Variants in WWOX observed in about 807,000 individuals in gnomAD.
WWOX encodes WW domain-containing oxidoreductase.
Under a neutral mutation model 46.2 loss-of-function variants are expected in WWOX, and 69 were observed. The observed-to-expected ratio is 1.49, with a 90% CI of 1.23 to 1.82. WWOX has a LOEUF of 1.82. Ranked by LOEUF, WWOX falls within the 40% of genes most tolerant of loss-of-function variation. The probability of loss-of-function intolerance (pLI) is 0.00; values close to 1 mark genes in which losing one functional copy is unlikely to be tolerated. For missense variants in WWOX, 919 were observed against 542.6 expected (o/e 1.69, Z -6.89); for synonymous variants, 359 against 202.6 (o/e 1.77, Z -6.56).
Position 78,705,752 on chromosome 16 carries a change from A to G in WWOX, c.1056+273000A>G, listed in dbSNP as rs573766911. On this transcript the variant is annotated intron_variant, in intron 8 of 8. Coordinates refer to ENST00000566780, the MANE Select transcript of WWOX (RefSeq NM_016373.4). ...GACTTTGTGTAATGCTGTATGTACC[A>G]TCAGAGCACATACTGCTTTTGTGCA... Among the ~76,000 whole-genome samples, 19 of 152,322 alleles carry G rather than the reference A, an allele frequency of 1.2e-4. No homozygotes were observed. In the East Asian group the frequency reaches 3.3e-3, roughly 26 times the overall value.
rs909815960 is a variant in WWOX, at chr16:78,100,152, A to G, written c.107+267A>G. On this transcript the variant is annotated intron_variant, in intron 1 of 8. Transcript: ENST00000566780. Reference sequence around the variant, plus strand: ...CAGCACTGCGCGGCGCGGCGAGGGCAAAGCGGCCTCATCCCCGCCAAAAAA... The same window carrying G: ...CAGCACTGCGCGGCGCGGCGAGGGCGAAGCGGCCTCATCCCCGCCAAAAAA... The G allele has an allele frequency of 6.1e-6, 8 of 1,314,174 alleles. No homozygotes were observed. In the East Asian group the frequency reaches 2.5e-4, roughly 42 times the overall value. 81.4% of individuals were successfully genotyped at this position (1,314,174 alleles called of 1,614,324 possible). A position where few individuals can be genotyped will look rare whatever the true frequency, so the allele number is the denominator to read the frequency against.
chr16:78,893,964 G>A (rs959808717), intron 8 of WWOX, among the ~76,000 whole-genome samples: 1 of 151,714 alleles, frequency 6.6e-6, no homozygotes, highest in Admixed American at 6.6e-5. Flanking sequence ...TGTCTGTGAT[G>A]TATTTGAGTA....
chr16:78,238,052 G>T (rs538396426), intron 5 of WWOX: 40 of 152,312 alleles, frequency 2.6e-4, no homozygotes, highest in African/African-American at 9.6e-4. Context: ...TCTGAGTCTT[G>T]CTGGCCTCAA....
intron 8 of WWOX, among the ~76,000 whole-genome samples, chr16:78,458,050 C>T (rs1470347338): frequency 7.6e-6 from 1 of 130,890 alleles, no homozygotes; most frequent in African/African-American, 3.9e-5. Context: ...GCACTCCAGC[C>T]TGGGTGACAA....
At chr16:78,576,071 A>G (rs146699475) in intron 8 of WWOX, among the ~76,000 whole-genome samples, 3,393 of 152,268 alleles carry the variant, frequency 0.022, 51 homozygotes, top group Non-Finnish European at 0.032. Context: ...TTGAAGCACA[A>G]TATAATATTG....
Position 79,143,834 on chromosome 16 carries a change from G to T in WWOX, c.1057-67774G>T, listed in dbSNP as rs561827626. Among the ~76,000 whole-genome samples the T allele has an allele frequency of 2.0e-5, 3 of 152,164 alleles. No homozygotes were observed. The South Asian group carries it at 6.2e-4, about 32-fold the overall frequency. ...GAGTTTTAGCCAATATTCCAGTCTCGATCTGCTGATATGAAGCCGATGCAG... is the reference window on the plus strand; with the variant it reads ...GAGTTTTAGCCAATATTCCAGTCTCTATCTGCTGATATGAAGCCGATGCAG... On this transcript the variant is annotated intron_variant, in intron 8 of 8. Transcript: ENST00000566780.
At chr16:78,207,976 C>A (rs2036447352) in intron 5 of WWOX, among the ~76,000 whole-genome samples, 1 of 152,056 alleles carries the variant, frequency 6.6e-6, no homozygotes, top group South Asian at 2.1e-4. Flanking sequence ...CCACGCCCAG[C>A]TAATTTTTGT....
At chr16:78,770,439 G>A (rs570963917) in intron 8 of WWOX, among the ~76,000 whole-genome samples, 18 of 152,210 alleles carry the variant, frequency 1.2e-4, no homozygotes, top group Non-Finnish European at 2.4e-4. Context: ...GTACACCCAG[G>A]AAAGAGCAAA....
chr16:78,317,610 C>G (rs995239895), intron 5 of WWOX, among the ~76,000 whole-genome samples: 4 of 152,128 alleles, frequency 2.6e-5, no homozygotes, highest in African/African-American at 9.7e-5. Context: ...TGTGCACACA[C>G]TTGCGTAAAG....
chr16:78,792,911 A>C (rs568123927), intron 8 of WWOX, among the ~76,000 whole-genome samples: 2 of 152,306 alleles, frequency 1.3e-5, no homozygotes, highest in African/African-American at 4.8e-5. Context: ...TACAGACAGA[A>C]GGAAAGACGC....
chr16:78,856,683 T>A (rs1285625039), intron 8 of WWOX, among the ~76,000 whole-genome samples: 1 of 152,132 alleles, frequency 6.6e-6, no homozygotes, highest in Admixed American at 6.6e-5. Context: ...TTCAGTACAA[T>A]GGGAAGGGGC....
rs1216664851 is a variant in WWOX at position 79,053,858 on chromosome 16, G to T, written c.1057-157750G>T. On this transcript the variant is annotated intron_variant, in intron 8 of 8. Transcript: ENST00000566780. ...CTATTTAGGTAGGAAGAGTTTGCCA[G>T]CCCGAAAACTCCAGTAAGCAAACAG... Among the ~76,000 whole-genome samples the T allele has an allele frequency of 2.0e-5, 3 of 152,116 alleles. No individual in the cohort carries two copies. In the South Asian group the frequency reaches 6.2e-4, roughly 32 times the overall value.
At chr16:78,316,021 G>A (rs1344788194) in intron 5 of WWOX, among the ~76,000 whole-genome samples, 1 of 151,900 alleles carries the variant, frequency 6.6e-6, no homozygotes, top group Non-Finnish European at 1.5e-5. Context: ...TGAGGTGGGC[G>A]GATCACTTGA....
chr16:78,283,989 A>G (rs1194440362), intron 5 of WWOX, among the ~76,000 whole-genome samples: 2 of 152,234 alleles, frequency 1.3e-5, no homozygotes, highest in East Asian at 3.8e-4. Flanking sequence ...GTCATGATGA[A>G]TTATCACAAA....
At chr16:78,818,447 G>T (rs560829976) in intron 8 of WWOX, among the ~76,000 whole-genome samples, 1 of 152,338 alleles carries the variant, frequency 6.6e-6, no homozygotes, top group South Asian at 2.1e-4. Flanking sequence ...GCCCAGTTTT[G>T]AGGCTGGGTG....
chr16:78,196,147 T>A (rs2036044100), intron 5 of WWOX, among the ~76,000 whole-genome samples: 1 of 152,228 alleles, frequency 6.6e-6, no homozygotes, highest in Non-Finnish European at 1.5e-5. Flanking sequence ...CTTGAAATAA[T>A]CTACCTTTAA....
chr16:78,106,744 T>C (rs953770944), intron 1 of WWOX, among the ~76,000 whole-genome samples: 3 of 152,034 alleles, frequency 2.0e-5, no homozygotes, highest in African/African-American at 4.8e-5. Flanking sequence ...GCAAGTGATA[T>C]TGGATGGTGG....
chr16:78,930,222 T>TCTTC (rs574392161), intron 8 of WWOX, among the ~76,000 whole-genome samples: 15,878 of 105,000 alleles, frequency 0.15, 1,449 homozygotes, highest in East Asian at 0.28. Flanking sequence ...TCAGGACCTT[T>TCTTC]CTTCCTTCCT....
intron 8 of WWOX, among the ~76,000 whole-genome samples, chr16:79,193,900 T>C (rs2051187633): frequency 6.6e-6 from 1 of 152,222 alleles, no homozygotes; most frequent in Middle Eastern, 3.2e-3. Flanking sequence ...CCTTGCCTTC[T>C]GTACAACATG....
Sources: gnomAD v4.1 joint callset for allele counts (sites outside exome capture counted in the v4.1 genomes callset) on GRCh38, gnomAD v4.1.1 for gene constraint, MANE v1.5 for transcripts, NCBI Gene and HGNC (gene_info 2026-07-23, HGNC 2026-07-21) for gene names.